HSPH1: variants seen among roughly 807,000 people sequenced by gnomAD.
The protein encoded by HSPH1 is heat shock protein 105 kDa.
HSPH1 carries 40 observed loss-of-function variants against 100.0 expected under a neutral mutation model. The observed-to-expected ratio is 0.40, with a 90% CI of 0.31 to 0.52. HSPH1 has a LOEUF of 0.52. Among genes scored for constraint, HSPH1 ranks in the 20% least tolerant of loss-of-function variants. The pLI is 0.54. For synonymous variants in HSPH1, 403 were observed against 344.0 expected (o/e 1.17, Z -1.90); for missense variants, 876 against 1,015.1 (o/e 0.86, Z 1.86).
chr13:31,154,882 GGAA>G, intron 3 of HSPH1, 127 bp from the exon 4 acceptor site: 1 of 762,540 alleles, frequency 1.3e-6, no homozygotes, highest in East Asian at 2.8e-5. Context: ...AGTTGTTTTG[GGAA>G]GAAGGAAGAA....
chr13:31,161,944 C>T (rs1046101331), upstream of HSPH1: 2 of 1,535,496 alleles, frequency 1.3e-6, no homozygotes, highest in African/African-American at 2.7e-5. Flanking sequence ...ATGTATCGCA[C>T]TGATCAGAAC....
At chr13:31,150,207 A>T in intron 7 of HSPH1, 25 bp from the exon 8 acceptor site, 1 of 1,470,738 alleles carries the variant, frequency 6.8e-7, no homozygotes, top group Non-Finnish European at 9.3e-7. Flanking sequence ...ACTTGTTTTT[A>T]GAAAAGTTAA....
chr13:31,156,418 G>A (rs1317710321), intron 2 of HSPH1, among the ~76,000 whole-genome samples: 1 of 152,008 alleles, frequency 6.6e-6, no homozygotes, highest in Non-Finnish European at 1.5e-5. Context: ...AATTTTTATA[G>A]CTGGGCATGG....
chr13:31,156,636 G>A (rs1409050104), intron 2 of HSPH1, among the ~76,000 whole-genome samples: 1 of 152,074 alleles, frequency 6.6e-6, no homozygotes, highest in Non-Finnish European at 1.5e-5. Flanking sequence ...AACACTCTGT[G>A]CCAGAAAATG....
At chr13:31,162,276 G>A, upstream of HSPH1, 1 of 654,674 alleles carries the variant, frequency 1.5e-6, no homozygotes, top group South Asian at 1.8e-5. Context: ...GGGAGGCTGG[G>A]CGGGCGGAGA....
intron 1 of HSPH1, among the ~76,000 whole-genome samples, chr13:31,161,045 G>A (rs1267114088): frequency 1.3e-5 from 2 of 152,228 alleles, no homozygotes; most frequent in Non-Finnish European, 2.9e-5. Context: ...GCGAAGGGAG[G>A]AGGACAAGCT....
chr13:31,160,989 G>C (rs776119537), intron 1 of HSPH1, among the ~76,000 whole-genome samples: 28 of 152,254 alleles, frequency 1.8e-4, no homozygotes, highest in Non-Finnish European at 3.8e-4. Context: ...TCACAATGCG[G>C]AAGAAAAAGG....
At chr13:31,141,036 TG>T in intron 13 of HSPH1, 85 bp downstream of exon 13, 1 of 775,446 alleles carries the variant, frequency 1.3e-6, no homozygotes, top group Non-Finnish European at 1.9e-6. Flanking sequence ...GAAAGAATTA[TG>T]GCCATTTATC....
At chr13:31,138,696 A>G (rs569737802) in intron 16 of HSPH1, 85 bp downstream of exon 16, 2 of 1,537,912 alleles carry the variant, frequency 1.3e-6, no homozygotes, top group African/African-American at 1.4e-5. Context: ...CAAAGTTAAG[A>G]CTATTCATGA....
Position 31,137,147 on chromosome 13 carries a change from T to C in HSPH1, c.*171A>G. ...AAGTTACCAAGGCAATTTTCCCTTT[T>C]AGGATCATAAAGACTACAGACTTAA... On this transcript the variant is annotated 3_prime_UTR_variant, in exon 18 of 18. Coordinates refer to ENST00000320027, the MANE Select transcript of HSPH1 (RefSeq NM_006644.4). The C allele has an allele frequency of 1.3e-6, 1 of 747,468 alleles. No individual in the cohort carries two copies. Among genetic ancestry groups the C allele is most frequent in the Non-Finnish European group, 2.5e-6 (1 of 404,286 alleles). 46.3% of individuals were successfully genotyped at this position (747,468 alleles called of 1,614,324 possible).
Position 31,137,296 on chromosome 13 carries a change from G to C in HSPH1, c.*22C>G. Reference sequence around the variant, plus strand: ...GGCAAAAATATTTTATTAATTGAAGGAATAGGCCAATTTAAGGTTATCTAG... The same window carrying C: ...GGCAAAAATATTTTATTAATTGAAGCAATAGGCCAATTTAAGGTTATCTAG... On this transcript the variant is annotated 3_prime_UTR_variant, in exon 18 of 18. Coordinates refer to ENST00000320027, the MANE Select transcript of HSPH1 (RefSeq NM_006644.4). 7.0e-7 allele frequency: 1 copy of C among 1,422,440 alleles called. No homozygotes were observed. The highest frequency in any genetic ancestry group is 9.8e-7 in the Non-Finnish European group (1 of 1,015,566). 88.1% of individuals were successfully genotyped at this position (1,422,440 alleles called of 1,614,324 possible).
chr13:31,160,139 T>TC (rs1255798775), intron 1 of HSPH1, among the ~76,000 whole-genome samples: 2 of 152,248 alleles, frequency 1.3e-5, no homozygotes, highest in East Asian at 1.9e-4. Flanking sequence ...CAATTTTTTT[T>TC]CCCACTCTCT....
rs1956908476 is a variant in HSPH1, at chr13:31,161,467, C to G, written c.107+9G>C. 1.9e-6 allele frequency: 3 copies of G among 1,613,838 alleles called. No homozygotes were observed. The highest frequency in any genetic ancestry group is 2.2e-5 in the South Asian group (2 of 91,040). Reference sequence around the variant, plus strand: ...CTCCTCCCATCCACCCTCGCAGACTCCCACTTACGGGGTGCACCGGTCGCT... The same window carrying G: ...CTCCTCCCATCCACCCTCGCAGACTGCCACTTACGGGGTGCACCGGTCGCT... On this transcript the variant is annotated intron_variant, in intron 1 of 17. Coordinates refer to ENST00000320027, the MANE Select transcript of HSPH1 (RefSeq NM_006644.4).
intron 2 of HSPH1, among the ~76,000 whole-genome samples, chr13:31,156,096 A>G (rs1202376399): frequency 6.6e-6 from 1 of 152,236 alleles, no homozygotes; most frequent in African/African-American, 2.4e-5. Context: ...TTTGTTTAAA[A>G]AAGTTAATTT....
At chr13:31,137,871 T>C (rs1955940966) in intron 17 of HSPH1, among the ~76,000 whole-genome samples, 1 of 152,154 alleles carries the variant, frequency 6.6e-6, no homozygotes, top group Admixed American at 6.5e-5. Flanking sequence ...GAGCTAGAAT[T>C]CAAGTTTACA....
At position 31,138,830 on chromosome 13, in the gene HSPH1, C is replaced by T. The variant is rs1446968388; in HGVS notation, c.2159G>A (p.Gly720Glu). Residue 720 changes from glycine (G) to glutamate (E), a missense_variant, in exon 16 of 18, where the codon GGA becomes GAA. Transcript: ENST00000320027. The part of the protein sequence containing the change: ...EERPKMFEEL[G>E]QRLQHYAKIA... ...CTTGGCATAATGCTGCAGCCTCTGT[C>T]CTAGTTCTTCAAACATTTTTGGCCG... 1.2e-6 allele frequency: 2 copies of T among 1,611,540 alleles called. No individual in the cohort carries two copies. Among genetic ancestry groups the T allele is most frequent in the Non-Finnish European group, 1.7e-6 (2 of 1,178,822 alleles).
At position 31,161,546 on chromosome 13, in the gene HSPH1, A is replaced by T; in HGVS notation, c.37T>A (p.Cys13Ser). The T allele has an allele frequency of 1.2e-6, 2 of 1,613,822 alleles. No individual in the cohort carries two copies. Among genetic ancestry groups the T allele is most frequent in the Middle Eastern group, 1.6e-4 (1 of 6,062 alleles). Reference sequence around the variant, plus strand: ...CCGGCCCGGGCTACCGCGATGTAGCAGCTCTGCGAGCCCACGTCCAACCCC... The same window carrying T: ...CCGGCCCGGGCTACCGCGATGTAGCTGCTCTGCGAGCCCACGTCCAACCCC... ...VVGLDVGSQS[C>S]YIAVARAGGI... is the part of the protein sequence containing the mutation. The change falls in exon 1 of 18, where the codon TGC becomes AGC. Residue 13 changes from cysteine to serine, a missense_variant. By Grantham distance (112) the Cys-to-Ser change is moderately radical (BLOSUM62 -1). Transcript: ENST00000320027.
At chr13:31,153,037 G>T in intron 4 of HSPH1, 86 bp from the exon 5 acceptor site, 1 of 892,652 alleles carries the variant, frequency 1.1e-6, no homozygotes, top group Non-Finnish European at 1.8e-6. Flanking sequence ...ATTCACAACA[G>T]TCCAGCTAAG....
chr13:31,161,485 C>T lies in HSPH1; in HGVS notation c.98G>A (p.Arg33Gln). ...GCAGACTCCCACTTACGGGGTGCAC[C>T]GGTCGCTGAACTCATTGGCGATGGT... ...IETIANEFSDRCTPSVISFGS... is the reference protein window; with the variant it reads ...IETIANEFSDQCTPSVISFGS... The change falls in exon 1 of 18, where the codon CGG (arginine) becomes CAG (glutamine). Residue 33 changes from arginine to glutamine, a missense_variant. Physicochemically the swap from Arg to Gln is conservative, Grantham distance 43 (BLOSUM62 1). Coordinates refer to ENST00000320027, the MANE Select transcript of HSPH1 (RefSeq NM_006644.4). 1 of 1,614,068 alleles carries T rather than the reference C, an allele frequency of 6.2e-7. No individual in the cohort carries two copies. The highest frequency in any genetic ancestry group is 2.2e-5 in the East Asian group (1 of 44,866).
Sources: allele counts gnomAD v4.1 joint callset (sites outside exome capture counted in the v4.1 genomes callset), GRCh38; gene constraint gnomAD v4.1.1; transcripts MANE v1.5; gene names NCBI Gene and HGNC (gene_info 2026-07-23, HGNC 2026-07-21).